Variants in FRMD4B observed in about 807,000 individuals in gnomAD.
FRMD4B encodes FERM domain containing 4B, also known as FERM domain-containing protein 4B.
In FRMD4B, 74 loss-of-function variants were observed where a neutral mutation model predicts 141.5. That is an observed-to-expected ratio of 0.52 (90% CI 0.43 to 0.63). The LOEUF (loss-of-function observed/expected upper bound fraction) is 0.63. FRMD4B is among the 30% of genes least tolerant of loss of function. FRMD4B has a pLI of 0.00. For synonymous variants in FRMD4B, 506 were observed against 467.9 expected (o/e 1.08, Z -1.05); for missense variants, 1,366 against 1,253.4 (o/e 1.09, Z -1.36).
intron 1 of FRMD4B, among the ~76,000 whole-genome samples, chr3:69,519,790 C>A (rs899176833): frequency 1.3e-5 from 2 of 151,812 alleles, no homozygotes; most frequent in Non-Finnish European, 1.5e-5. Context: ...TCCCTCACCC[C>A]CTCCCATCTT....
At chr3:69,452,965 T>C (rs1179908967) in intron 1 of FRMD4B, among the ~76,000 whole-genome samples, 1 of 152,276 alleles carries the variant, frequency 6.6e-6, no homozygotes, top group Non-Finnish European at 1.5e-5. Flanking sequence ...TATTTTGCAT[T>C]CTATTTTTCG....
chr3:69,245,830 A>ATTTTT (rs1559749065), intron 7 of FRMD4B, among the ~76,000 whole-genome samples: 5 of 103,212 alleles, frequency 4.8e-5, no homozygotes, highest in Non-Finnish European at 8.1e-5. Flanking sequence ...TGCCAGGCTA[A>ATTTTT]TTTGTTTTTT....
At chr3:69,475,087 A>T (rs1705961744) in intron 1 of FRMD4B, among the ~76,000 whole-genome samples, 1 of 152,134 alleles carries the variant, frequency 6.6e-6, no homozygotes. Context: ...CACAGTTCTT[A>T]ATCTACAAAA....
At chr3:69,304,483 C>CAAAAAAAAAAAAA (rs1313360753) in intron 3 of FRMD4B, among the ~76,000 whole-genome samples, 1 of 67,596 alleles carries the variant, frequency 1.5e-5, no homozygotes, top group African/African-American at 5.3e-5. Context: ...GATTCTATCT[C>CAAAAAAAAAAAAA]AAAAAAAAAA....
intron 9 of FRMD4B, among the ~76,000 whole-genome samples, chr3:69,221,275 G>C (rs981725848): frequency 2.0e-5 from 3 of 152,022 alleles, no homozygotes; most frequent in African/African-American, 7.2e-5. Flanking sequence ...TCTTAATAAT[G>C]GGTGGTAACT....
intron 10 of FRMD4B, among the ~76,000 whole-genome samples, chr3:69,218,057 C>G (rs1202105506): frequency 1.3e-5 from 2 of 152,092 alleles, no homozygotes; most frequent in East Asian, 1.9e-4. Context: ...AAATGAAGAT[C>G]TGGTAGTGCT....
At chr3:69,448,775 A>G (rs886909043) in intron 1 of FRMD4B, among the ~76,000 whole-genome samples, 2 of 152,248 alleles carry the variant, frequency 1.3e-5, no homozygotes, top group African/African-American at 2.4e-5. Context: ...CTGGAAAAAA[A>G]TTATAAAATA....
chr3:69,329,577 G>C (rs1204878915), intron 1 of FRMD4B, among the ~76,000 whole-genome samples: 2 of 139,288 alleles, frequency 1.4e-5, no homozygotes, highest in African/African-American at 5.4e-5. Context: ...ACCTGGGCTG[G>C]AGTGCAATGG....
intron 7 of FRMD4B, among the ~76,000 whole-genome samples, chr3:69,245,317 T>TTGTGTGTGTG (rs67220182): frequency 8.4e-5 from 12 of 142,962 alleles, no homozygotes; most frequent in Non-Finnish European, 3.0e-5. Flanking sequence ...CTGACTTTCT[T>TTGTGTGTGTG]TGTGTGTGTG....
chr3:69,381,671 T>C (rs747691153), intron 1 of FRMD4B, among the ~76,000 whole-genome samples: 1 of 152,174 alleles, frequency 6.6e-6, no homozygotes, highest in South Asian at 2.1e-4. Flanking sequence ...AGCAAAGGGG[T>C]AATCTTATGA....
chr3:69,183,569 G>A (rs933276091), intron 19 of FRMD4B, among the ~76,000 whole-genome samples: 1 of 129,834 alleles, frequency 7.7e-6, no homozygotes, highest in Admixed American at 9.6e-5. Flanking sequence ...TGCAAGCCCC[G>A]CCTCCTGGGT....
intron 7 of FRMD4B, among the ~76,000 whole-genome samples, chr3:69,225,959 A>G (rs999517467): frequency 6.6e-6 from 1 of 152,056 alleles, no homozygotes; most frequent in Non-Finnish European, 1.5e-5. Flanking sequence ...CTTCGATGAA[A>G]GGCTCCCAAG....
At chr3:69,358,832 T>C (rs956306007) in intron 1 of FRMD4B, among the ~76,000 whole-genome samples, 1 of 152,172 alleles carries the variant, frequency 6.6e-6, no homozygotes, top group African/African-American at 2.4e-5. Flanking sequence ...TGAGTTATCA[T>C]GGAGGTGGGC....
chr3:69,360,395 A>C (rs1703438668), intron 1 of FRMD4B, among the ~76,000 whole-genome samples: 1 of 152,242 alleles, frequency 6.6e-6, no homozygotes, highest in Admixed American at 6.5e-5. Context: ...TACTTAAAAA[A>C]GTTAACAGTA....
intron 3 of FRMD4B, among the ~76,000 whole-genome samples, chr3:69,307,117 C>A (rs1451556081): frequency 6.6e-6 from 1 of 152,004 alleles, no homozygotes; most frequent in Non-Finnish European, 1.5e-5. Flanking sequence ...GGTCATAATT[C>A]AAAAAGAGAC....
intron 7 of FRMD4B, among the ~76,000 whole-genome samples, chr3:69,237,022 G>A (rs770376409): frequency 3.9e-5 from 6 of 152,296 alleles, no homozygotes; most frequent in Non-Finnish European, 5.9e-5. Flanking sequence ...CCGGGTAAGC[G>A]AGGTGAATTC....
At chr3:69,520,836 C>T (rs1008876505) in intron 1 of FRMD4B, among the ~76,000 whole-genome samples, 3 of 151,968 alleles carry the variant, frequency 2.0e-5, no homozygotes, top group Non-Finnish European at 4.4e-5. Context: ...TCAATAATGA[C>T]CAAAGGGAAG....
intron 2 of FRMD4B, among the ~76,000 whole-genome samples, chr3:69,417,126 C>T (rs1390262878): frequency 1.3e-5 from 2 of 152,192 alleles, no homozygotes; most frequent in African/African-American, 2.4e-5. Flanking sequence ...GGAATTGCCA[C>T]ACTGTCTTCC....
At chr3:69,289,335 T>A (rs1700799680) in intron 4 of FRMD4B, among the ~76,000 whole-genome samples, 1 of 152,224 alleles carries the variant, frequency 6.6e-6, no homozygotes, top group South Asian at 2.1e-4. Flanking sequence ...GTTCTTTCAA[T>A]TTATCAGGTC....
Sources: allele counts gnomAD v4.1 joint callset (sites outside exome capture counted in the v4.1 genomes callset), GRCh38; gene constraint gnomAD v4.1.1; transcripts MANE v1.5; gene names NCBI Gene and HGNC (gene_info 2026-07-23, HGNC 2026-07-21).